Variants in NOTCH1 observed in about 807,000 individuals in gnomAD.
NOTCH1 encodes the protein notch receptor 1.
Under a neutral mutation model 254.8 loss-of-function variants are expected in NOTCH1, and 37 were observed. The observed-to-expected ratio is 0.15, with a 90% CI of 0.11 to 0.19. The LOEUF (loss-of-function observed/expected upper bound fraction) is 0.19. Among genes scored for constraint, NOTCH1 ranks in the 10% least tolerant of loss-of-function variants. NOTCH1 has a pLI of 1.00. For synonymous variants in NOTCH1, 1,731 were observed against 1,618.1 expected, an observed-to-expected ratio of 1.07 and a Z score of -1.68; for missense variants, 2,972 against 3,708.6, an observed-to-expected ratio of 0.80 and a Z score of 5.16.
rs1060504524 is a variant in NOTCH1 at position 136,498,995 on chromosome 9, G to A, written c.6084C>T (p.Gly2028=). Reference sequence around the variant, plus strand: ...CGGCGGCCCAGTGCAGGGCGGACTTGCCTGCGTGAAAGAAGCAGATGGGGT... The same window carrying A: ...CGGCGGCCCAGTGCAGGGCGGACTTACCTGCGTGAAAGAAGCAGATGGGGT... ...HADVNAVDDL[G]KSALHWAAAV... is the part of the protein sequence containing the mutation. Residue 2028 remains glycine, a splice_region_variant and synonymous_variant, in exon 33 of 34, where the codon GGC becomes GGT. Transcript: ENST00000651671. 1 of 1,613,300 alleles carries A rather than the reference G, an allele frequency of 6.2e-7. No homozygotes were observed. The highest frequency in any genetic ancestry group is 1.1e-5 in the South Asian group (1 of 91,090).
chr9:136,540,196 G>C lies in NOTCH1; in HGVS notation c.140+3828C>G, dbSNP rs151222885. 1.8e-4 allele frequency among the ~76,000 whole-genome samples: 28 copies of C among 152,324 alleles called. 2 individuals carry two copies. The East Asian group carries it at 5.4e-3, about 29-fold the overall frequency. ...CCCAACATGTCCCACATGTGAGCTA[G>C]GTGCCTCTCTCACGCCTTGCTGGGA... On this transcript the variant is annotated intron_variant, in intron 2 of 33. Coordinates refer to ENST00000651671, the MANE Select transcript of NOTCH1 (RefSeq NM_017617.5). This position sits in a 1 kb window ranked among gnomAD's most constrained non-coding sequence, Gnocchi z 4.4.
chr9:136,516,500 G>A (rs1341715938), intron 9 of NOTCH1, among the ~76,000 whole-genome samples: 1 of 152,172 alleles, frequency 6.6e-6, no homozygotes. Flanking sequence ...TTTCACCCAG[G>A]CCCCTGAGAG....
chr9:136,499,330 G>T lies in NOTCH1; in HGVS notation c.5935-71C>A, dbSNP rs1386669854. The T allele has an allele frequency of 1.9e-6, 3 of 1,570,180 alleles. No individual in the cohort carries two copies. The East Asian group carries it at 6.9e-5, about 36-fold the overall frequency. On this transcript the variant is annotated intron_variant, in intron 31 of 33. Coordinates refer to ENST00000651671, the MANE Select transcript of NOTCH1 (RefSeq NM_017617.5). ...CCGATGCCTCCTGCCCAGAACGAAC[G>T]CCTGGACGGGAAGCCCCACTGTCTT...
chr9:136,507,729 G>T (rs1589060560), intron 21 of NOTCH1, among the ~76,000 whole-genome samples: 1 of 152,158 alleles, frequency 6.6e-6, no homozygotes, highest in African/African-American at 2.4e-5. Context: ...CTAGGGGAAG[G>T]GAAAACCCCA....
At position 136,540,175 on chromosome 9, in the gene NOTCH1, A is replaced by G. The variant is rs570509749; in HGVS notation, c.140+3849T>C. Among the ~76,000 whole-genome samples the G allele has an allele frequency of 1.3e-5, 2 of 152,138 alleles. No individual in the cohort carries two copies. The highest frequency in any genetic ancestry group is 2.4e-5 in the African/African-American group (1 of 41,432). On this transcript the variant is annotated intron_variant, in intron 2 of 33. Coordinates refer to ENST00000651671, the MANE Select transcript of NOTCH1 (RefSeq NM_017617.5). The surrounding 1 kb of genome is among the most constrained non-coding windows in gnomAD (Gnocchi z 4.4). ...CCACCACCGGGCCGGCACACCCCCA[A>G]CATGTCCCACATGTGAGCTAGGTGC...
chr9:136,510,827 G>C, intron 16 of NOTCH1, 22 bp from the exon 17 acceptor site: 1 of 1,605,852 alleles, frequency 6.2e-7, no homozygotes, highest in South Asian at 1.1e-5. Context: ...GAGGAGGCCG[G>C]TTGGTCACCA....
intron 2 of NOTCH1, among the ~76,000 whole-genome samples, chr9:136,537,412 G>A (rs755982740): frequency 8.5e-5 from 13 of 152,176 alleles, no homozygotes; most frequent in Non-Finnish European, 1.5e-4. Context: ...CAGAAGAGGC[G>A]AATTCAGAGG....
intron 2 of NOTCH1, among the ~76,000 whole-genome samples, chr9:136,527,691 G>T (rs1054762663): frequency 6.6e-6 from 1 of 152,186 alleles, no homozygotes; most frequent in South Asian, 2.1e-4. Context: ...GTGTGCCCCC[G>T]TGGACTCCCC....
chr9:136,524,644 T>C (rs889219662), intron 2 of NOTCH1, among the ~76,000 whole-genome samples: 16 of 143,920 alleles, frequency 1.1e-4, no homozygotes, highest in South Asian at 4.6e-4. Context: ...CTTTTCTTTT[T>C]TTTTTTTTTT....
rs199777870 is a variant in NOTCH1, at chr9:136,496,426, G to A, written c.7313C>T (p.Pro2438Leu). The A allele has an allele frequency of 5.1e-5, 82 of 1,599,562 alleles. No homozygotes were observed. Among genetic ancestry groups the A allele is most frequent in the East Asian group, 5.1e-4 (23 of 44,868 alleles). Residue 2438 changes from proline (P) to leucine (L), a missense_variant, in exon 34 of 34, where the codon CCG (proline) becomes CTG (leucine). By Grantham distance (98) the Pro-to-Leu change is moderately conservative. This residue lies in a region of NOTCH1 where 529 missense variants were observed against 529.2 expected (regional missense o/e 1.00). Coordinates refer to ENST00000651671, the MANE Select transcript of NOTCH1 (RefSeq NM_017617.5). ...HLGRSFLSGE[P>L]SQADVQPLGP... ...CAGTGGCTGCACGTCTGCCTGGCTC[G>A]GCTCTCCACTCAGGAAGCTCCGGCC... is the stretch of plus-strand genomic sequence containing the variant.
chr9:136,495,383 A>AT lies in NOTCH1; in HGVS notation c.*687dup. 1 of 398,990 alleles carries AT rather than the reference A, an allele frequency of 2.5e-6. No individual in the cohort carries two copies. The highest frequency in any genetic ancestry group is 4.4e-6 in the Non-Finnish European group (1 of 226,190). 24.7% of individuals were successfully genotyped at this position (398,990 alleles called of 1,614,324 possible). A position where few individuals can be genotyped will look rare whatever the true frequency, so the allele number is the denominator to read the frequency against. ...TTGGTACCATGGGTGCACTCTTGGC[A>AT]TACACACTCCGAGAACACATTTTCA... On this transcript the variant is annotated 3_prime_UTR_variant, in exon 34 of 34. Coordinates refer to ENST00000651671, the MANE Select transcript of NOTCH1 (RefSeq NM_017617.5).
Position 136,540,065 on chromosome 9 carries a change from G to T in NOTCH1, c.140+3959C>A, listed in dbSNP as rs1433818846. ...GCCACTGCTGTGTGACCCTGGGGCT[G>T]ATGGCGACTTCTCTGGGTCTCTTCT... On this transcript the variant is annotated intron_variant, in intron 2 of 33. Coordinates refer to ENST00000651671, the MANE Select transcript of NOTCH1 (RefSeq NM_017617.5). This position sits in a 1 kb window ranked among gnomAD's most constrained non-coding sequence, Gnocchi z 4.4. Among the ~76,000 whole-genome samples, 1 of 152,242 alleles carries T rather than the reference G, an allele frequency of 6.6e-6. No homozygotes were observed. The highest frequency in any genetic ancestry group is 1.5e-5 in the Non-Finnish European group (1 of 68,044).
At chr9:136,533,865 G>A (rs1353849708) in intron 2 of NOTCH1, among the ~76,000 whole-genome samples, 1 of 152,270 alleles carries the variant, frequency 6.6e-6, no homozygotes, top group Non-Finnish European at 1.5e-5. Flanking sequence ...GAAAGTGAGG[G>A]ACGCGCCAGT....
rs756829846 is a variant in NOTCH1 at position 136,517,266 on chromosome 9, C to T, written c.1555+6G>A. On this transcript the variant is annotated splice_donor_region_variant and intron_variant, in intron 9 of 33. Coordinates refer to ENST00000651671, the MANE Select transcript of NOTCH1 (RefSeq NM_017617.5). ...CCCGGGGGCAGGGGGCGGGGGTGGC[C>T]CTCACCCGTGGGGCACTCGCACTGG... 4 of 1,583,120 alleles carry T rather than the reference C, an allele frequency of 2.5e-6. No homozygotes were observed. In the Admixed American group the frequency reaches 6.9e-5, roughly 27 times the overall value.
At chr9:136,505,210 C>G in intron 25 of NOTCH1, 100 bp downstream of exon 25, 2 of 1,521,138 alleles carry the variant, frequency 1.3e-6, no homozygotes, top group Non-Finnish European at 1.8e-6. Flanking sequence ...CCCTGCACCC[C>G]CTGAGCAGAG....
Position 136,518,068 on chromosome 9 carries a change from C to T in NOTCH1, c.1255+69G>A, listed in dbSNP as rs115279689. The T allele has an allele frequency of 2.4e-3, 3,726 of 1,551,604 alleles. 99 individuals carry two copies. In the African/African-American group the frequency reaches 0.043, roughly 18 times the overall value. Reference sequence around the variant, plus strand: ...ACTGGGCACCCCCTGAAGCCAGAATCGACTTCTCATCGGTTCTGGGGCCAG... The same window carrying T: ...ACTGGGCACCCCCTGAAGCCAGAATTGACTTCTCATCGGTTCTGGGGCCAG... On this transcript the variant is annotated intron_variant, in intron 7 of 33. Coordinates refer to ENST00000651671, the MANE Select transcript of NOTCH1 (RefSeq NM_017617.5).
At chr9:136,538,087 A>G (rs1364419856) in intron 2 of NOTCH1, among the ~76,000 whole-genome samples, 1 of 152,224 alleles carries the variant, frequency 6.6e-6, no homozygotes, top group East Asian at 1.9e-4. Context: ...CTCAAAAAAC[A>G]AACAAAAAAA....
chr9:136,512,680 A>T (rs1843199861), intron 15 of NOTCH1, among the ~76,000 whole-genome samples: 1 of 152,192 alleles, frequency 6.6e-6, no homozygotes, highest in African/African-American at 2.4e-5. Context: ...CTAAGGATTC[A>T]CCTGCATCTT....
chr9:136,505,176 C>A (rs1843061008), intron 25 of NOTCH1, 72 bp from the exon 26 acceptor site: 1 of 1,552,362 alleles, frequency 6.4e-7, no homozygotes, highest in Non-Finnish European at 8.7e-7. Context: ...TGCCTCCAGC[C>A]CACTGGCCAG....
Sources: gnomAD v4.1 joint callset for allele counts (sites outside exome capture counted in the v4.1 genomes callset) on GRCh38, gnomAD v4.1.1 for gene constraint, gnomAD v4.1.1 regional missense constraint, Gnocchi (gnomAD v3.1) non-coding constraint, MANE v1.5 for transcripts, NCBI Gene and HGNC (gene_info 2026-07-23, HGNC 2026-07-21) for gene names.